Variants in VOPP1 observed in about 807,000 individuals in gnomAD.
The protein encoded by VOPP1 is WW domain binding protein VOPP1.
A neutral mutation model predicts 23.5 loss-of-function variants in VOPP1; 8 were observed. The ratio of observed to expected loss-of-function variants is 0.34; its 90% CI spans 0.20 to 0.61. VOPP1 has a LOEUF of 0.61. VOPP1 is among the 20% of genes least tolerant of loss of function. VOPP1 has a pLI of 0.78. For missense variants in VOPP1, 174 were observed against 238.1 expected (o/e 0.73, Z 1.77); for synonymous variants, 83 against 97.3 (o/e 0.85, Z 0.86).
intron 4 of VOPP1, among the ~76,000 whole-genome samples, chr7:55,436,825 A>G (rs1329278840): frequency 6.6e-6 from 1 of 152,162 alleles, no homozygotes; most frequent in African/African-American, 2.4e-5. Flanking sequence ...CAGAGAGACC[A>G]GGGTGTCAGC....
At chr7:55,508,843 T>C (rs1281869209) in intron 2 of VOPP1, among the ~76,000 whole-genome samples, 1 of 152,130 alleles carries the variant, frequency 6.6e-6, no homozygotes, top group Admixed American at 6.6e-5. Flanking sequence ...AGCTCAGAAG[T>C]CTGCCTATGA....
chr7:55,478,289 CAAAT>C (rs1444474564), intron 4 of VOPP1, among the ~76,000 whole-genome samples: 1 of 152,104 alleles, frequency 6.6e-6, no homozygotes, highest in African/African-American at 2.4e-5. Flanking sequence ...TCCTTAATCA[CAAAT>C]AATCACAAAG....
chr7:55,537,876 C>T (rs1346041057), intron 1 of VOPP1, among the ~76,000 whole-genome samples: 1 of 152,234 alleles, frequency 6.6e-6, no homozygotes, highest in Non-Finnish European at 1.5e-5. Flanking sequence ...CATTCTCCCC[C>T]AAACCACTTA....
chr7:55,502,474 C>A (rs970934700), intron 2 of VOPP1, among the ~76,000 whole-genome samples: 3 of 152,212 alleles, frequency 2.0e-5, no homozygotes, highest in African/African-American at 7.2e-5. Flanking sequence ...GGCTCATCTG[C>A]GGCGCTGGCC....
In VOPP1 at chr7:55,491,937, C is replaced by T. The variant is rs115267870; in HGVS notation, c.328+345G>A. The stretch of plus-strand genomic sequence containing the variant: ...ATAATTAGTATCTAGTCCAGAAGCA[C>T]TAAAAATGGCAGGGGTATTACCGCT... On this transcript the variant is annotated intron_variant, in intron 4 of 4. Coordinates refer to ENST00000285279, the MANE Select transcript of VOPP1 (RefSeq NM_030796.5). Among the ~76,000 whole-genome samples, 817 of 152,096 alleles carry T rather than the reference C, an allele frequency of 5.4e-3. 9 individuals carry two copies. Among genetic ancestry groups the T allele is most frequent in the African/African-American group, 0.019 (786 of 41,448 alleles).
chr7:55,474,520 C>T (rs1193348291), intron 4 of VOPP1, among the ~76,000 whole-genome samples: 1 of 152,192 alleles, frequency 6.6e-6, no homozygotes, highest in African/African-American at 2.4e-5. Flanking sequence ...GGGGAGCGCA[C>T]AGCGTGGGAG....
intron 1 of VOPP1, chr7:55,539,427 G>A (rs1165965705): frequency 6.6e-6 from 1 of 151,880 alleles, no homozygotes; most frequent in East Asian, 1.9e-4. Context: ...TGAGAAAAAG[G>A]AACAAGATCA....
intron 1 of VOPP1, among the ~76,000 whole-genome samples, chr7:55,565,960 G>C (rs1463670314): frequency 6.6e-6 from 1 of 152,142 alleles, no homozygotes; most frequent in African/African-American, 2.4e-5. Context: ...CTTAACACTG[G>C]CAGATCCAAA....
intron 4 of VOPP1, among the ~76,000 whole-genome samples, chr7:55,486,955 T>A (rs1046561752): frequency 6.6e-6 from 1 of 152,106 alleles, no homozygotes; most frequent in Non-Finnish European, 1.5e-5. Context: ...AGAATGGAAA[T>A]GCTGGAGCCC....
chr7:55,495,777 C>T (rs769689382), intron 3 of VOPP1, among the ~76,000 whole-genome samples: 1 of 152,302 alleles, frequency 6.6e-6, no homozygotes, highest in Non-Finnish European at 1.5e-5. Context: ...CTTTGTATTT[C>T]GGGTGGGGCA....
downstream of VOPP1, among the ~76,000 whole-genome samples, chr7:55,467,380 G>A (rs1791659582): frequency 6.6e-6 from 1 of 152,208 alleles, no homozygotes; most frequent in South Asian, 2.1e-4. Context: ...AACAGCCATT[G>A]GTCAATCTCC....
chr7:55,543,189 A>G (rs963204744), intron 1 of VOPP1, among the ~76,000 whole-genome samples: 102 of 152,200 alleles, frequency 6.7e-4, no homozygotes, highest in Non-Finnish European at 1.1e-3. Context: ...TGCTGGGATT[A>G]CAGGCATGAG....
chr7:55,552,630 C>T (rs1797656305), intron 1 of VOPP1: 2 of 1,536,024 alleles, frequency 1.3e-6, no homozygotes, highest in Non-Finnish European at 1.7e-6. Context: ...GTCTGTGTGG[C>T]TCCAAAGTTG....
At chr7:55,503,059 T>C (rs1794478792) in intron 2 of VOPP1, among the ~76,000 whole-genome samples, 1 of 152,250 alleles carries the variant, frequency 6.6e-6, no homozygotes, top group Admixed American at 6.5e-5. Context: ...TACTGCCTGT[T>C]AGCCAAGTAT....
intron 1 of VOPP1, among the ~76,000 whole-genome samples, chr7:55,571,321 A>G (rs1798346071): frequency 6.6e-6 from 1 of 152,252 alleles, no homozygotes; most frequent in African/African-American, 2.4e-5. Flanking sequence ...ACAAACTAGT[A>G]ATTTCCAGCA....
intron 1 of VOPP1, among the ~76,000 whole-genome samples, chr7:55,530,057 C>T (rs1276278679): frequency 1.3e-5 from 2 of 152,132 alleles, no homozygotes; most frequent in Non-Finnish European, 2.9e-5. Context: ...ATCTTAATTT[C>T]TTGGGTACAT....
intron 1 of VOPP1, among the ~76,000 whole-genome samples, chr7:55,544,135 T>C (rs1797260204): frequency 6.6e-6 from 1 of 152,218 alleles, no homozygotes; most frequent in Admixed American, 6.5e-5. Flanking sequence ...CATATGGATG[T>C]ACAGTTTTCC....
chr7:55,461,217 A>G (rs1276812628), intron 4 of VOPP1, among the ~76,000 whole-genome samples: 2 of 152,052 alleles, frequency 1.3e-5, no homozygotes, highest in African/African-American at 4.8e-5. Context: ...GACACAATGG[A>G]CTTTGGGGAC....
At chr7:55,493,931 G>A (rs1399936736) in intron 3 of VOPP1, among the ~76,000 whole-genome samples, 2 of 152,218 alleles carry the variant, frequency 1.3e-5, no homozygotes, top group African/African-American at 4.8e-5. Flanking sequence ...TGGTGAGCAA[G>A]ACTGGGAACA....
Sources: gnomAD v4.1 joint callset for allele counts (sites outside exome capture counted in the v4.1 genomes callset) on GRCh38, gnomAD v4.1.1 for gene constraint, MANE v1.5 for transcripts, NCBI Gene and HGNC (gene_info 2026-07-23, HGNC 2026-07-21) for gene names.